Variants in KLHL7 observed in about 807,000 individuals in gnomAD.
The protein encoded by KLHL7 is kelch like family member 7, also known as kelch-like protein 7.
KLHL7 carries 44 observed loss-of-function variants against 67.4 expected under a neutral mutation model. That is an observed-to-expected ratio of 0.65 (90% CI 0.51 to 0.84). KLHL7 has a LOEUF of 0.84. KLHL7 is among the 40% of genes least tolerant of loss of function. The pLI, the probability that KLHL7 is intolerant of heterozygous loss-of-function variation, is 0.00. For missense variants in KLHL7, 362 were observed against 718.1 expected (o/e 0.50, Z 5.67); for synonymous variants, 252 against 243.3 (o/e 1.04, Z -0.33).
At chr7:23,158,678 C>T (rs1784775316) in intron 7 of KLHL7, among the ~76,000 whole-genome samples, 1 of 152,128 alleles carries the variant, frequency 6.6e-6, no homozygotes, top group Non-Finnish European at 1.5e-5. Flanking sequence ...GTGGGTTGGA[C>T]ACCAGCAAGG....
At chr7:23,147,162 T>C (rs1318432622) in intron 6 of KLHL7, among the ~76,000 whole-genome samples, 1 of 151,406 alleles carries the variant, frequency 6.6e-6, no homozygotes, top group Non-Finnish European at 1.5e-5. Flanking sequence ...TGATCTTGGC[T>C]AACTGCAACC....
At chr7:23,142,984 G>GC (rs1333818476) in intron 5 of KLHL7, among the ~76,000 whole-genome samples, 6 of 152,020 alleles carry the variant, frequency 3.9e-5, no homozygotes, top group Non-Finnish European at 8.8e-5. Flanking sequence ...TAACAACTGG[G>GC]GCAGGGTATG....
At chr7:23,155,599 G>T (rs545502506) in intron 7 of KLHL7, among the ~76,000 whole-genome samples, 2 of 151,904 alleles carry the variant, frequency 1.3e-5, no homozygotes, top group Non-Finnish European at 2.9e-5. Context: ...GAGAGGTGGA[G>T]GTTGCAGTGA....
At chr7:23,155,532 C>T (rs1784676251) in intron 7 of KLHL7, among the ~76,000 whole-genome samples, 1 of 151,836 alleles carries the variant, frequency 6.6e-6, no homozygotes, top group Non-Finnish European at 1.5e-5. Flanking sequence ...GGCGTCGTGG[C>T]AGGCGCCTGT....
rs376870991 is a variant in KLHL7, at chr7:23,115,551, G to GT, written c.121-8216dup. 2.7e-3 allele frequency among the ~76,000 whole-genome samples: 395 copies of GT among 146,754 alleles called. 1 individual carries two copies. Among genetic ancestry groups the GT allele is most frequent in the African/African-American group, 7.5e-3 (302 of 40,092 alleles). On this transcript the variant is annotated intron_variant, in intron 1 of 10. Coordinates refer to ENST00000339077, the MANE Select transcript of KLHL7 (RefSeq NM_001031710.3). The stretch of plus-strand genomic sequence containing the variant: ...GACTCATTTTGGGTTTTTTTTGTTT[G>GT]TTTTTTTTTTGAGATGGAGTCTCGC...
At chr7:23,152,535 T>C (rs1259848497) in intron 7 of KLHL7, among the ~76,000 whole-genome samples, 1 of 152,222 alleles carries the variant, frequency 6.6e-6, no homozygotes, top group African/African-American at 2.4e-5. Flanking sequence ...AATGAAAATC[T>C]CTTTCTGGGC....
intron 7 of KLHL7, among the ~76,000 whole-genome samples, chr7:23,163,511 A>G (rs858316): frequency 0.071 from 10,783 of 152,252 alleles, 520 homozygotes; most frequent in African/African-American, 0.13. Flanking sequence ...GAACTATTGT[A>G]TTACAGCTAG....
At chr7:23,125,311 A>T (rs926573992) in intron 4 of KLHL7, 139 bp downstream of exon 4, 1 of 810,248 alleles carries the variant, frequency 1.2e-6, no homozygotes, top group Non-Finnish European at 2.0e-6. Context: ...CTAGTAATAA[A>T]ATTTAAGAGG....
chr7:23,143,031 A>T (rs1784241618), intron 5 of KLHL7, among the ~76,000 whole-genome samples: 1 of 152,206 alleles, frequency 6.6e-6, no homozygotes, highest in African/African-American at 2.4e-5. Context: ...ACTTTTCTAT[A>T]AATCTAAAAC....
chr7:23,108,285 A>G (rs1238283557), intron 1 of KLHL7, among the ~76,000 whole-genome samples: 2 of 152,192 alleles, frequency 1.3e-5, no homozygotes, highest in African/African-American at 2.4e-5. Flanking sequence ...GGGTCATTCC[A>G]TCTCTCTGTA....
chr7:23,120,452 T>C (rs748874026), intron 1 of KLHL7, among the ~76,000 whole-genome samples: 3 of 152,242 alleles, frequency 2.0e-5, no homozygotes, highest in Non-Finnish European at 4.4e-5. Context: ...TGTAGTGATG[T>C]TTCAATGCAT....
At chr7:23,127,693 C>T (rs897613757) in intron 4 of KLHL7, among the ~76,000 whole-genome samples, 1 of 151,888 alleles carries the variant, frequency 6.6e-6, no homozygotes, top group African/African-American at 2.4e-5. Flanking sequence ...ATGGTGAAAC[C>T]CCTCTCTACC....
intron 4 of KLHL7, chr7:23,125,975 TG>T: frequency 1.2e-6 from 1 of 825,058 alleles, no homozygotes; most frequent in South Asian, 1.4e-5. Flanking sequence ...TACATGCCTA[TG>T]ATGAAGTTTA....
In KLHL7 at chr7:23,175,595, AT is replaced by A. The variant is rs1431476555; in HGVS notation, c.*1300del. ...AAAACATAATGATAGGTATATTTCT[AT>A]TTGTGTAGGGTTTTTTAATGTACAG... On this transcript the variant is annotated 3_prime_UTR_variant, in exon 11 of 11. Transcript: ENST00000339077. 1 of 311,702 alleles carries A rather than the reference AT, an allele frequency of 3.2e-6. No homozygotes were observed. The highest frequency in any genetic ancestry group is 2.9e-5 in the South Asian group (1 of 34,724). 19.3% of individuals were successfully genotyped at this position (311,702 alleles called of 1,614,324 possible). A position where few individuals can be genotyped will look rare whatever the true frequency, so the allele number is the denominator to read the frequency against.
intron 7 of KLHL7, among the ~76,000 whole-genome samples, chr7:23,154,994 T>C (rs1183069654): frequency 2.6e-5 from 4 of 152,154 alleles, no homozygotes; most frequent in African/African-American, 9.7e-5. Context: ...AGAGCAAATA[T>C]GCCACCAGAT....
At chr7:23,149,087 T>C (rs1784451312) in intron 6 of KLHL7, among the ~76,000 whole-genome samples, 1 of 152,066 alleles carries the variant, frequency 6.6e-6, no homozygotes, top group African/African-American at 2.4e-5. Context: ...AAACTAAGCT[T>C]AAAAATTTTA....
chr7:23,125,689 T>G (rs151150053), intron 4 of KLHL7: 1 of 1,415,704 alleles, frequency 7.1e-7, no homozygotes, highest in Admixed American at 2.9e-5. Flanking sequence ...AGTCTATAAA[T>G]TAAGATACTA....
chr7:23,130,166 T>C (rs1355162658), intron 4 of KLHL7, among the ~76,000 whole-genome samples: 1 of 151,712 alleles, frequency 6.6e-6, no homozygotes, highest in Non-Finnish European at 1.5e-5. Context: ...AAAGAGCAAT[T>C]AGTAGTCTTT....
At chr7:23,109,450 T>C (rs1782776839) in intron 1 of KLHL7, among the ~76,000 whole-genome samples, 1 of 152,366 alleles carries the variant, frequency 6.6e-6, no homozygotes, top group African/African-American at 2.4e-5. Context: ...TGGAGGAAGA[T>C]GTTTTAAGAC....
Sources: allele counts gnomAD v4.1 joint callset (sites outside exome capture counted in the v4.1 genomes callset), GRCh38; gene constraint gnomAD v4.1.1; transcripts MANE v1.5; gene names NCBI Gene and HGNC (gene_info 2026-07-23, HGNC 2026-07-21).